The following TUSC3 variants were observed in gnomAD, a reference collection of about 807,000 sequenced individuals.
The protein encoded by TUSC3 is tumor suppressor candidate 3, also known as dolichyl-diphosphooligosaccharide--protein glycosyltransferase subunit TUSC3.
TUSC3 carries 45 observed loss-of-function variants against 44.8 expected under a neutral mutation model. The ratio of observed to expected loss-of-function variants is 1.00; its 90% CI spans 0.79 to 1.29. TUSC3 has a LOEUF of 1.29. TUSC3 is among the 50% of genes most tolerant of loss of function. The pLI is 0.00. For missense variants in TUSC3, 519 were observed against 437.9 expected (o/e 1.19, Z -1.65); for synonymous variants, 212 against 152.9 (o/e 1.39, Z -2.85).
At chr8:15,648,865 G>A (rs1806757803) in intron 2 of TUSC3, among the ~76,000 whole-genome samples, 2 of 150,912 alleles carry the variant, frequency 1.3e-5, no homozygotes, top group South Asian at 4.2e-4. Flanking sequence ...ATGTGCAGGA[G>A]TCCATGAAGA....
chr8:15,753,084 G>C (rs1193550128), intron 9 of TUSC3, among the ~76,000 whole-genome samples: 1 of 151,910 alleles, frequency 6.6e-6, no homozygotes, highest in Non-Finnish European at 1.5e-5. Flanking sequence ...AGCTGCTATA[G>C]TTTACATAGA....
At chr8:15,816,483 G>T in the TUSC3 span, among the ~76,000 whole-genome samples, 2 of 152,146 alleles carry the variant, frequency 1.3e-5, no homozygotes, top group Non-Finnish European at 2.9e-5. Flanking sequence ...GGACAAGAAA[G>T]ATATTTGAAG....
intron 1 of TUSC3, among the ~76,000 whole-genome samples, chr8:15,616,312 T>A (rs1480916688): frequency 6.6e-6 from 1 of 152,254 alleles, no homozygotes; most frequent in East Asian, 1.9e-4. Flanking sequence ...GTGTGGTGGC[T>A]CACGCCAGTA....
chr8:15,738,823 C>CTTTCTTTTTTTTTTCTTTCTTTTT (rs1216874000), intron 7 of TUSC3, among the ~76,000 whole-genome samples: 1 of 95,684 alleles, frequency 1.0e-5, no homozygotes, highest in Non-Finnish European at 2.0e-5. Flanking sequence ...ATTAATATAT[C>CTTTCTTTTTTTTTTCTTTCTTTTT]TTGCTTTTTT....
At chr8:15,447,815 G>A (rs141913666) in intron 1 of TUSC3, among the ~76,000 whole-genome samples, 225 of 151,310 alleles carry the variant, frequency 1.5e-3, no homozygotes, top group African/African-American at 5.2e-3. Flanking sequence ...AAATGAGATG[G>A]TAAGTGATAC....
At chr8:15,815,548 G>T in the TUSC3 span, among the ~76,000 whole-genome samples, 12 of 152,140 alleles carry the variant, frequency 7.9e-5, no homozygotes, top group African/African-American at 2.7e-4. Context: ...AGAAATTCAT[G>T]CAGAGAAAGG....
At chr8:15,674,664 C>T (rs571356056) in intron 6 of TUSC3, among the ~76,000 whole-genome samples, 10 of 151,512 alleles carry the variant, frequency 6.6e-5, no homozygotes, top group Admixed American at 2.6e-4. Flanking sequence ...CAATTTGGGC[C>T]CATATTTTTG....
chr8:15,449,314 G>T (rs749101913), intron 1 of TUSC3, among the ~76,000 whole-genome samples: 1 of 152,158 alleles, frequency 6.6e-6, no homozygotes, highest in Non-Finnish European at 1.5e-5. Flanking sequence ...TCGGTCTCAT[G>T]TTCAAAAAAT....
intron 2 of TUSC3, among the ~76,000 whole-genome samples, chr8:15,512,489 C>T (rs188052311): frequency 8.5e-5 from 13 of 152,178 alleles, no homozygotes; most frequent in African/African-American, 3.1e-4. Context: ...AAATGTTTCT[C>T]TGGCTGGGCA....
intron 5 of TUSC3, among the ~76,000 whole-genome samples, chr8:15,662,944 A>G (rs569668002): frequency 6.6e-6 from 1 of 152,052 alleles, no homozygotes; most frequent in South Asian, 2.1e-4. Context: ...CGTTAAGGCC[A>G]AGTATTCAAC....
At chr8:15,628,546 G>A (rs530650963) in intron 2 of TUSC3, among the ~76,000 whole-genome samples, 5 of 152,140 alleles carry the variant, frequency 3.3e-5, no homozygotes, top group Non-Finnish European at 7.4e-5. Flanking sequence ...GGTCAGTGTC[G>A]GGGTAGGATA....
chr8:15,686,001 G>A (rs893226492), intron 6 of TUSC3, among the ~76,000 whole-genome samples: 2 of 152,010 alleles, frequency 1.3e-5, no homozygotes, highest in African/African-American at 4.8e-5. Context: ...TGAATACAGA[G>A]AATATAAAGA....
chr8:15,451,471 C>A (rs1168925769), intron 1 of TUSC3, among the ~76,000 whole-genome samples: 1 of 152,050 alleles, frequency 6.6e-6, no homozygotes, highest in African/African-American at 2.4e-5. Context: ...ATAATGAAGC[C>A]TCCATAAAAA....
At chr8:15,553,495 G>T (rs1328615444) in intron 1 of TUSC3, among the ~76,000 whole-genome samples, 1 of 97,310 alleles carries the variant, frequency 1.0e-5, no homozygotes, top group African/African-American at 3.9e-5. Flanking sequence ...TTTGCTGCTG[G>T]AGGAGCTTAC....
intron 1 of TUSC3, among the ~76,000 whole-genome samples, chr8:15,457,759 ATAAAT>A (rs1800276800): frequency 6.7e-6 from 1 of 148,240 alleles, no homozygotes; most frequent in Admixed American, 6.7e-5. Flanking sequence ...AATAAAATAG[ATAAAT>A]TAGATAATCT....
At position 15,545,071 on chromosome 8, in the gene TUSC3, G is replaced by C. The variant is rs1222804833; in HGVS notation, c.138+4503G>C. On this transcript the variant is annotated intron_variant, in intron 1 of 10. Coordinates refer to ENST00000503731, the MANE Select transcript of TUSC3 (RefSeq NM_006765.4). ...ATGTATACATAATACCTAAGATGTAGGTGTTATATTTTAAAACAAGGAAAT... is the reference window on the plus strand; with the variant it reads ...ATGTATACATAATACCTAAGATGTACGTGTTATATTTTAAAACAAGGAAAT... 1.3e-5 allele frequency among the ~76,000 whole-genome samples: 2 copies of C among 151,622 alleles called. 1 individual carries two copies. Among genetic ancestry groups the C allele is most frequent in the East Asian group, 3.9e-4 (2 of 5,136 alleles).
intron 2 of TUSC3, among the ~76,000 whole-genome samples, chr8:15,499,862 C>G (rs1037451853): frequency 2.0e-5 from 3 of 152,082 alleles, no homozygotes; most frequent in Non-Finnish European, 4.4e-5. Flanking sequence ...GAGCCAAATC[C>G]TCATTTTACA....
intron 1 of TUSC3, among the ~76,000 whole-genome samples, chr8:15,425,028 A>G (rs1357106073): frequency 6.6e-6 from 1 of 152,194 alleles, no homozygotes; most frequent in Non-Finnish European, 1.5e-5. Context: ...GGAAGTGCTC[A>G]ACTCTGCTTA....
chr8:15,590,597 C>T (rs940861821), intron 1 of TUSC3, among the ~76,000 whole-genome samples: 9 of 151,808 alleles, frequency 5.9e-5, no homozygotes, highest in African/African-American at 1.9e-4. Context: ...CCATGTTGCT[C>T]TATGTGGGGG....
Sources: allele counts gnomAD v4.1 joint callset (sites outside exome capture counted in the v4.1 genomes callset), GRCh38; gene constraint gnomAD v4.1.1; transcripts MANE v1.5; gene names NCBI Gene and HGNC (gene_info 2026-07-23, HGNC 2026-07-21).